The following PHACTR4 variants were observed in gnomAD, a reference collection of about 807,000 sequenced individuals.
PHACTR4 encodes phosphatase and actin regulator 4.
Under a neutral mutation model 72.7 loss-of-function variants are expected in PHACTR4, and 51 were observed. That is an observed-to-expected ratio of 0.70 (90% CI 0.56 to 0.89). PHACTR4 has a LOEUF of 0.89. Among genes scored for constraint, PHACTR4 ranks in the 40% least tolerant of loss-of-function variants. The probability of loss-of-function intolerance (pLI) is 0.00; values close to 1 mark genes in which losing one functional copy is unlikely to be tolerated. For missense variants in PHACTR4, 731 were observed against 861.8 expected (o/e 0.85, Z 1.90); for synonymous variants, 255 against 302.5 (o/e 0.84, Z 1.63).
In PHACTR4 at chr1:28,476,089, A is replaced by G. The variant is rs867210146; in HGVS notation, c.1422-18A>G. 7 of 1,579,628 alleles carry G rather than the reference A, an allele frequency of 4.4e-6. No homozygotes were observed. In the Admixed American group the frequency reaches 7.9e-5, roughly 18 times the overall value. On this transcript the variant is annotated intron_variant, in intron 7 of 13. Coordinates refer to ENST00000373839, the MANE Select transcript of PHACTR4 (RefSeq NM_001048183.3). ...TCTTCATTTCTAAAAGGAAAATATAATTATGTTAATTTGTTAGTCCAGACG... is the reference window on the plus strand; with the variant it reads ...TCTTCATTTCTAAAAGGAAAATATAGTTATGTTAATTTGTTAGTCCAGACG...
At chr1:28,480,787 C>T (rs979760350) in intron 9 of PHACTR4, among the ~76,000 whole-genome samples, 183 bp downstream of exon 9, 1 of 151,440 alleles carries the variant, frequency 6.6e-6, no homozygotes, top group Admixed American at 6.6e-5. Flanking sequence ...CTCCCAGGTT[C>T]GAGCAATTCT....
At chr1:28,461,913 CTATT>C (rs1658837079) in intron 4 of PHACTR4, among the ~76,000 whole-genome samples, 1 of 148,260 alleles carries the variant, frequency 6.7e-6, no homozygotes, top group Admixed American at 6.7e-5. Context: ...TTATATAACT[CTATT>C]TGTTTTTTTA....
intron 2 of PHACTR4, among the ~76,000 whole-genome samples, chr1:28,454,436 C>T (rs551650475): frequency 6.6e-6 from 1 of 151,804 alleles, no homozygotes; most frequent in South Asian, 2.1e-4. Context: ...GCCACTGCGC[C>T]CGGCTAATTT....
chr1:28,383,523 C>A (rs942721579), intron 1 of PHACTR4, among the ~76,000 whole-genome samples: 5 of 152,004 alleles, frequency 3.3e-5, no homozygotes, highest in South Asian at 2.1e-4. Context: ...TCTCTGATTT[C>A]TTTGAGCAGT....
intron 1 of PHACTR4, among the ~76,000 whole-genome samples, chr1:28,391,457 G>A (rs527306985): frequency 1.4e-3 from 207 of 151,512 alleles, no homozygotes; most frequent in Non-Finnish European, 2.0e-3. Context: ...TAGAAGCAGA[G>A]AATAAAATGG....
intron 4 of PHACTR4, among the ~76,000 whole-genome samples, chr1:28,464,970 C>T (rs1215338124): frequency 6.6e-6 from 1 of 152,052 alleles, no homozygotes; most frequent in Non-Finnish European, 1.5e-5. Flanking sequence ...TCCCAAAGTG[C>T]TGAGATTACA....
chr1:28,377,477 T>C (rs1651775049), intron 1 of PHACTR4, among the ~76,000 whole-genome samples: 2 of 150,988 alleles, frequency 1.3e-5, no homozygotes, highest in African/African-American at 2.4e-5. Context: ...TGACCTCAAG[T>C]GATCCGCCCG....
At chr1:28,402,379 C>A (rs1654008025) in intron 1 of PHACTR4, among the ~76,000 whole-genome samples, 1 of 151,996 alleles carries the variant, frequency 6.6e-6, no homozygotes, top group South Asian at 2.1e-4. Context: ...ATATATCAGT[C>A]TGTTGAAGTT....
chr1:28,484,659 T>TC (rs1660516107), intron 9 of PHACTR4, among the ~76,000 whole-genome samples: 1 of 151,716 alleles, frequency 6.6e-6, no homozygotes, highest in Non-Finnish European at 1.5e-5. Context: ...TTTTTTTTTT[T>TC]CCTACCTTTA....
chr1:28,391,255 C>T (rs376292032), intron 1 of PHACTR4, among the ~76,000 whole-genome samples: 2 of 146,110 alleles, frequency 1.4e-5, no homozygotes, highest in East Asian at 2.1e-4. Context: ...AAAAATTAGC[C>T]GGGCGTGGTG....
intron 1 of PHACTR4, among the ~76,000 whole-genome samples, chr1:28,370,821 GGC>G (rs1172178301): frequency 1.3e-5 from 2 of 152,082 alleles, no homozygotes; most frequent in African/African-American, 4.8e-5. Flanking sequence ...CGGGCGTGGT[GGC>G]GCGCGCCTGT....
intron 4 of PHACTR4, among the ~76,000 whole-genome samples, chr1:28,461,295 G>T (rs1345969185): frequency 6.6e-6 from 1 of 151,982 alleles, no homozygotes; most frequent in African/African-American, 2.4e-5. Flanking sequence ...CAAAAAATTA[G>T]GAGGGCATAG....
intron 1 of PHACTR4, among the ~76,000 whole-genome samples, chr1:28,370,053 C>A (rs1003154330): frequency 2.6e-5 from 4 of 152,106 alleles, no homozygotes; most frequent in Non-Finnish European, 5.9e-5. Flanking sequence ...AGGCAGGGCC[C>A]GCGCAGGCTC....
At chr1:28,491,907 T>C in intron 12 of PHACTR4, 120 bp downstream of exon 12, 1 of 1,222,844 alleles carries the variant, frequency 8.2e-7, no homozygotes. Context: ...AATATAATAT[T>C]AAATTTCAAA....
At chr1:28,394,302 A>C (rs1257324943) in intron 1 of PHACTR4, among the ~76,000 whole-genome samples, 1 of 150,702 alleles carries the variant, frequency 6.6e-6, no homozygotes, top group African/African-American at 2.4e-5. Context: ...GGAGGGAGGG[A>C]GGAAGGAAGA....
chr1:28,433,681 C>T (rs1191083166), intron 2 of PHACTR4, among the ~76,000 whole-genome samples: 2 of 151,766 alleles, frequency 1.3e-5, no homozygotes, highest in Non-Finnish European at 2.9e-5. Context: ...TGGTCTCAAA[C>T]TCCTGACCCC....
Position 28,473,962 on chromosome 1 carries a change from GGCT to G in PHACTR4, c.1235_1237del (p.Leu412del), listed in dbSNP as rs1659751717. 6.2e-7 allele frequency: 1 copy of G among 1,613,982 alleles called. No homozygotes were observed. Among genetic ancestry groups the G allele is most frequent in the African/African-American group, 1.3e-5 (1 of 74,910 alleles). ...TTTGGGGAGCCCCATATACCCTCTA[GGCT>G]GCCTCCACTCCCACTGCATATTCGA... On this transcript the variant is annotated inframe_deletion, in exon 7 of 14. Coordinates refer to ENST00000373839, the MANE Select transcript of PHACTR4 (RefSeq NM_001048183.3).
chr1:28,473,418 G>T, intron 6 of PHACTR4, 136 bp from the exon 7 acceptor site: 1 of 692,756 alleles, frequency 1.4e-6, no homozygotes, highest in Non-Finnish European at 2.5e-6. Flanking sequence ...AAAATATATA[G>T]GGAATGGCAA....
intron 1 of PHACTR4, among the ~76,000 whole-genome samples, chr1:28,404,276 CTTTTTTTTTTT>C (rs58454588): frequency 7.9e-5 from 8 of 101,436 alleles, no homozygotes; most frequent in Middle Eastern, 5.1e-3. Flanking sequence ...TATGAACATC[CTTTTTTTTTTT>C]TTTTTTTTTT....
Sources: gnomAD v4.1 joint callset for allele counts (sites outside exome capture counted in the v4.1 genomes callset) on GRCh38, gnomAD v4.1.1 for gene constraint, MANE v1.5 for transcripts, NCBI Gene and HGNC (gene_info 2026-07-23, HGNC 2026-07-21) for gene names.